The following RBFOX1 variants were observed in gnomAD, a reference collection of about 807,000 sequenced individuals.
The protein encoded by RBFOX1 is RNA binding fox-1 homolog 1.
Under a neutral mutation model 57.7 loss-of-function variants are expected in RBFOX1, and 8 were observed. That is an observed-to-expected ratio of 0.14 (90% CI 0.08 to 0.25). The LOEUF (loss-of-function observed/expected upper bound fraction) is 0.25, where lower values mean the gene tolerates loss of function less well. Ranked by LOEUF, RBFOX1 falls within the 10% of genes least tolerant of loss-of-function variation. The pLI is 1.00. For synonymous variants in RBFOX1, 326 were observed against 222.4 expected, an observed-to-expected ratio of 1.47 and a Z score of -4.15; for missense variants, 611 against 548.5, an observed-to-expected ratio of 1.11 and a Z score of -1.14.
At chr16:5,376,707 G>T (rs1282794092) in intron 1 of RBFOX1, among the ~76,000 whole-genome samples, 1 of 151,862 alleles carries the variant, frequency 6.6e-6, no homozygotes, top group Non-Finnish European at 1.5e-5. Flanking sequence ...GGAACTCATC[G>T]TCTTGGTCTA....
chr16:5,418,392 G>T (rs898590448), intron 1 of RBFOX1, among the ~76,000 whole-genome samples: 1 of 152,072 alleles, frequency 6.6e-6, no homozygotes, highest in East Asian at 1.9e-4. Context: ...ACGGAGGACC[G>T]GGGTGTTGTG....
At chr16:7,186,916 G>A (rs1260324372) in intron 4 of RBFOX1, among the ~76,000 whole-genome samples, 2 of 148,360 alleles carry the variant, frequency 1.3e-5, no homozygotes, top group Non-Finnish European at 3.0e-5. Context: ...TCAGCACTTT[G>A]GGAAACTGAG....
chr16:6,273,803 C>T (rs756137723), intron 1 of RBFOX1, among the ~76,000 whole-genome samples: 1 of 151,980 alleles, frequency 6.6e-6, no homozygotes, highest in Non-Finnish European at 1.5e-5. Flanking sequence ...TTTTGCAAGC[C>T]ATGTATCTGA....
chr16:5,840,640 C>G (rs761669913), intron 3 of RBFOX1, among the ~76,000 whole-genome samples: 2 of 152,236 alleles, frequency 1.3e-5, no homozygotes, highest in Non-Finnish European at 2.9e-5. Context: ...GAAAACATGT[C>G]AAAAGGGGAG....
chr16:7,524,048 C>T (rs1174845359), intron 5 of RBFOX1, among the ~76,000 whole-genome samples: 1 of 152,172 alleles, frequency 6.6e-6, no homozygotes, highest in Admixed American at 6.5e-5. Flanking sequence ...GGTCATTCCC[C>T]ATAGGATAGT....
intron 1 of RBFOX1, among the ~76,000 whole-genome samples, chr16:6,063,032 T>G (rs1028545651): frequency 6.6e-6 from 1 of 152,188 alleles, no homozygotes; most frequent in African/African-American, 2.4e-5. Context: ...GTAATCTCCC[T>G]GACATACAGT....
At chr16:7,499,721 A>C (rs1532921) in intron 4 of RBFOX1, among the ~76,000 whole-genome samples, 3 of 151,850 alleles carry the variant, frequency 2.0e-5, no homozygotes, top group African/African-American at 4.8e-5. Flanking sequence ...ACAACTCAAC[A>C]TATATTAAGG....
chr16:6,595,022 C>T (rs1038297750), intron 2 of RBFOX1, among the ~76,000 whole-genome samples: 5 of 152,078 alleles, frequency 3.3e-5, no homozygotes, highest in Admixed American at 1.3e-4. Flanking sequence ...CTTCTGAGCT[C>T]GTTATCCACC....
At chr16:5,437,951 G>A (rs1436595903) in intron 1 of RBFOX1, among the ~76,000 whole-genome samples, 5 of 152,168 alleles carry the variant, frequency 3.3e-5, no homozygotes, top group African/African-American at 1.2e-4. Context: ...GGGCAAATGA[G>A]TGAATATTAA....
intron 14 of RBFOX1, among the ~76,000 whole-genome samples, chr16:7,683,035 A>T (rs748194624): frequency 0.36 from 302 of 830 alleles, 18 homozygotes; most frequent in Middle Eastern, 0.5. Flanking sequence ...TATATATATA[A>T]AACAGTGCTC....
rs182133687 is a variant in RBFOX1 at position 6,556,852 on chromosome 16, C to T, written c.-63-97751C>T. ...ACCCTTCTTTGCTACCATGGCAAGACTGGTGACTGTCTTCTGAGGAGAAGT... is the reference window on the plus strand; with the variant it reads ...ACCCTTCTTTGCTACCATGGCAAGATTGGTGACTGTCTTCTGAGGAGAAGT... On this transcript the variant is annotated intron_variant, in intron 2 of 15. Transcript: ENST00000550418. Among the ~76,000 whole-genome samples, 59 of 151,994 alleles carry T rather than the reference C, an allele frequency of 3.9e-4. 2 individuals are homozygous for T. The East Asian group carries it at 0.01, about 26-fold the overall frequency.
At chr16:7,226,380 G>T (rs1196877547) in intron 4 of RBFOX1, among the ~76,000 whole-genome samples, 1 of 152,186 alleles carries the variant, frequency 6.6e-6, no homozygotes, top group Non-Finnish European at 1.5e-5. Context: ...GGAATTTCCA[G>T]CAGGTGTAAG....
At chr16:7,112,699 T>TGTGTGTGTGG (rs1567305164) in intron 4 of RBFOX1, among the ~76,000 whole-genome samples, 4 of 146,918 alleles carry the variant, frequency 2.7e-5, no homozygotes, top group African/African-American at 1.0e-4. Context: ...TGTCTCTCTG[T>TGTGTGTGTGG]CTGTCTGTCC....
chr16:6,016,467 A>T (rs2094994485), upstream of RBFOX1, among the ~76,000 whole-genome samples: 1 of 152,226 alleles, frequency 6.6e-6, no homozygotes, highest in African/African-American at 2.4e-5. Flanking sequence ...GGAGCTGGTA[A>T]ACCACATGGA....
At chr16:6,827,550 C>T (rs1462625368) in intron 3 of RBFOX1, among the ~76,000 whole-genome samples, 1 of 152,112 alleles carries the variant, frequency 6.6e-6, no homozygotes, top group African/African-American at 2.4e-5. Flanking sequence ...CTCTGTTCTC[C>T]AGCGCTTTCA....
intron 2 of RBFOX1, among the ~76,000 whole-genome samples, chr16:6,627,229 G>T (rs73540199): frequency 0.02 from 3,000 of 152,286 alleles, 106 homozygotes; most frequent in African/African-American, 0.069. Context: ...CAGCACAGGG[G>T]AATGAGATGG....
intron 3 of RBFOX1, among the ~76,000 whole-genome samples, chr16:6,837,513 T>C (rs2093185926): frequency 6.6e-6 from 1 of 152,186 alleles, no homozygotes; most frequent in African/African-American, 2.4e-5. Flanking sequence ...TCCTATGCAG[T>C]ACCGGGTAAT....
At chr16:7,491,942 T>G (rs920470618) in intron 4 of RBFOX1, among the ~76,000 whole-genome samples, 1 of 152,224 alleles carries the variant, frequency 6.6e-6, no homozygotes, top group Non-Finnish European at 1.5e-5. Context: ...TCCTTTTTTG[T>G]CATTCTGAAT....
intron 1 of RBFOX1, among the ~76,000 whole-genome samples, chr16:6,130,618 G>A (rs1358373896): frequency 2.6e-5 from 4 of 152,072 alleles, no homozygotes; most frequent in East Asian, 1.9e-4. Flanking sequence ...TCCGTTATTT[G>A]CTGACTACAA....
Sources: allele counts gnomAD v4.1 joint callset (sites outside exome capture counted in the v4.1 genomes callset), GRCh38; gene constraint gnomAD v4.1.1; transcripts MANE v1.5; gene names NCBI Gene and HGNC (gene_info 2026-07-23, HGNC 2026-07-21).